Variants in PRELID2 observed in about 807,000 individuals in gnomAD.
PRELID2 encodes PRELI domain containing 2.
In PRELID2, 25 loss-of-function variants were observed where a neutral mutation model predicts 28.4. The observed-to-expected ratio is 0.88, with a 90% CI of 0.64 to 1.23. The LOEUF is 1.23. Ranked by LOEUF, PRELID2 falls within the 50% of genes most tolerant of loss-of-function variation. PRELID2 has a pLI of 0.00. For synonymous variants in PRELID2, 76 were observed against 71.6 expected, an observed-to-expected ratio of 1.06 and a Z score of -0.31; for missense variants, 201 against 214.4, an observed-to-expected ratio of 0.94 and a Z score of 0.39.
At chr5:145,807,369 T>C (rs1753585161) in intron 4 of PRELID2, among the ~76,000 whole-genome samples, 1 of 152,188 alleles carries the variant, frequency 6.6e-6, no homozygotes, top group South Asian at 2.1e-4. Flanking sequence ...CTTTTCAAAA[T>C]TAGTAACTTT....
intron 4 of PRELID2, among the ~76,000 whole-genome samples, chr5:145,803,554 C>T (rs1022498505): frequency 1.3e-5 from 2 of 152,096 alleles, no homozygotes; most frequent in Non-Finnish European, 2.9e-5. Flanking sequence ...GAAGTTCGCT[C>T]TTCTCTAAAA....
chr5:145,464,877 G>C, the PRELID2 span, among the ~76,000 whole-genome samples: 1 of 151,956 alleles, frequency 6.6e-6, no homozygotes, highest in Non-Finnish European at 1.5e-5. Context: ...TTTAATATTT[G>C]ACATAGGCCA....
At chr5:145,498,691 G>C (rs1752329072) in intron 1 of PRELID2, among the ~76,000 whole-genome samples, 1 of 152,034 alleles carries the variant, frequency 6.6e-6, no homozygotes, top group Non-Finnish European at 1.5e-5. Context: ...ACCATGCCCA[G>C]CTATGGTATT....
the PRELID2 span, among the ~76,000 whole-genome samples, chr5:145,239,117 A>C: frequency 3.3e-5 from 5 of 152,218 alleles, no homozygotes; most frequent in South Asian, 1.0e-3. Flanking sequence ...GAGGGCAAGT[A>C]CTAATTTTAA....
chr5:145,739,724 G>T (rs1178851334), intron 1 of PRELID2, among the ~76,000 whole-genome samples: 1 of 151,806 alleles, frequency 6.6e-6, no homozygotes, highest in Admixed American at 6.6e-5. Flanking sequence ...GCAAAGGGAG[G>T]TAAGGTTTCT....
the PRELID2 span, among the ~76,000 whole-genome samples, chr5:145,333,695 G>T: frequency 6.6e-6 from 1 of 152,038 alleles, no homozygotes; most frequent in Non-Finnish European, 1.5e-5. Context: ...GTGAATCTTA[G>T]CTTGCTGGGC....
intron 1 of PRELID2, among the ~76,000 whole-genome samples, chr5:145,667,313 GT>G (rs1754614401): frequency 6.6e-6 from 1 of 151,956 alleles, no homozygotes; most frequent in Non-Finnish European, 1.5e-5. Flanking sequence ...CTGCATTCAA[GT>G]TTCTGCCTGC....
Position 145,764,992 on chromosome 5 carries a change from T to G in PRELID2, c.483A>C (p.Arg161Ser). 6.2e-7 allele frequency: 1 copy of G among 1,604,106 alleles called. No homozygotes were observed. The highest frequency in any genetic ancestry group is 8.5e-7 in the Non-Finnish European group (1 of 1,175,964). ...GTTCCTTTAGCAGCATCTCCATGAT[T>G]CTAATTCCCTATAGAAAGAAGGAAA... ...FLRQGAQKGI[R>S]IMEMLLKEQC... Residue 161 changes from arginine to serine, a missense_variant, in exon 6 of 7, where the codon AGA (arginine) becomes AGC (serine). Physicochemically the swap from Arg to Ser is moderately radical, Grantham distance 110. Coordinates refer to ENST00000683046, the MANE Select transcript of PRELID2 (RefSeq NM_205846.3).
chr5:145,652,697 T>C (rs1030137869), intron 1 of PRELID2, among the ~76,000 whole-genome samples: 10 of 152,104 alleles, frequency 6.6e-5, no homozygotes, highest in Non-Finnish European at 1.2e-4. Flanking sequence ...GACAAGCAAA[T>C]GCTGAGAGAT....
intron 1 of PRELID2, among the ~76,000 whole-genome samples, chr5:145,503,146 G>T (rs1752374415): frequency 6.6e-6 from 1 of 152,106 alleles, no homozygotes; most frequent in South Asian, 2.1e-4. Flanking sequence ...GTCAGAAGAT[G>T]TACCACAGAA....
At chr5:145,267,697 C>T in the PRELID2 span, among the ~76,000 whole-genome samples, 4 of 152,192 alleles carry the variant, frequency 2.6e-5, no homozygotes, top group East Asian at 1.9e-4. Context: ...CTGGATCATA[C>T]GGTAGCTCTA....
chr5:145,518,866 G>T (rs566331128), intron 1 of PRELID2, among the ~76,000 whole-genome samples: 1 of 152,302 alleles, frequency 6.6e-6, no homozygotes, highest in Admixed American at 6.5e-5. Flanking sequence ...TACAATGAAG[G>T]TTTATCCAGT....
chr5:145,616,375 A>G (rs945600978), intron 1 of PRELID2, among the ~76,000 whole-genome samples: 2 of 152,136 alleles, frequency 1.3e-5, no homozygotes, highest in South Asian at 4.1e-4. Context: ...AGGAATGCCA[A>G]TTATTCTTAG....
chr5:145,311,045 T>C, the PRELID2 span, among the ~76,000 whole-genome samples: 1 of 152,232 alleles, frequency 6.6e-6, no homozygotes, highest in Non-Finnish European at 1.5e-5. Flanking sequence ...AATTCTGATG[T>C]ATAAGTAAAA....
At chr5:145,623,275 C>A (rs906139044) in intron 1 of PRELID2, among the ~76,000 whole-genome samples, 1 of 151,656 alleles carries the variant, frequency 6.6e-6, no homozygotes, top group African/African-American at 2.4e-5. Flanking sequence ...TGGCGAAACC[C>A]CGTCTCTACT....
At chr5:145,655,345 A>G (rs1201769879) in intron 1 of PRELID2, among the ~76,000 whole-genome samples, 1 of 152,230 alleles carries the variant, frequency 6.6e-6, no homozygotes, top group East Asian at 1.9e-4. Flanking sequence ...TATAGATTCA[A>G]TGCCATCCCC....
intron 1 of PRELID2, among the ~76,000 whole-genome samples, chr5:145,668,091 A>G (rs1561538307): frequency 6.6e-6 from 1 of 152,126 alleles, no homozygotes; most frequent in Non-Finnish European, 1.5e-5. Context: ...TTCAGGAAAG[A>G]AGAACTAGGC....
the PRELID2 span, among the ~76,000 whole-genome samples, chr5:145,269,437 C>T: frequency 6.6e-6 from 1 of 151,786 alleles, no homozygotes; most frequent in Non-Finnish European, 1.5e-5. Context: ...ACTGGCTATC[C>T]ATATAGGAAA....
the PRELID2 span, among the ~76,000 whole-genome samples, chr5:145,420,064 G>T: frequency 6.6e-6 from 1 of 151,900 alleles, no homozygotes; most frequent in Non-Finnish European, 1.5e-5. Flanking sequence ...TATTTCTGAG[G>T]ACTCTGTTCT....
Sources: allele counts gnomAD v4.1 joint callset (sites outside exome capture counted in the v4.1 genomes callset), GRCh38; gene constraint gnomAD v4.1.1; transcripts MANE v1.5; gene names NCBI Gene and HGNC (gene_info 2026-07-23, HGNC 2026-07-21).